The following CEMIP2 variants were observed in gnomAD, a reference collection of about 807,000 sequenced individuals.
CEMIP2 encodes cell migration inducing hyaluronidase 2, also known as cell surface hyaluronidase CEMIP2.
Under a neutral mutation model 146.9 loss-of-function variants are expected in CEMIP2, and 79 were observed. The observed-to-expected ratio is 0.54, with a 90% CI of 0.45 to 0.65. The LOEUF (loss-of-function observed/expected upper bound fraction) is 0.65. Among genes scored for constraint, CEMIP2 ranks in the 30% least tolerant of loss-of-function variants. CEMIP2 has a pLI of 0.00. For missense variants in CEMIP2, 1,596 were observed against 1,696.2 expected, an observed-to-expected ratio of 0.94 and a Z score of 1.04; for synonymous variants, 601 against 606.3, an observed-to-expected ratio of 0.99 and a Z score of 0.13.
intron 22 of CEMIP2, chr9:71,687,002 T>C (rs951212905): frequency 7.9e-5 from 12 of 152,338 alleles, no homozygotes; most frequent in Non-Finnish European, 1.3e-4. Flanking sequence ...TTTTGTCACA[T>C]AGTAAGCCAA....
intron 12 of CEMIP2, among the ~76,000 whole-genome samples, chr9:71,721,263 T>A (rs1823223212): frequency 6.6e-6 from 1 of 152,162 alleles, no homozygotes; most frequent in Non-Finnish European, 1.5e-5. Context: ...AGTAACCTTC[T>A]AGATAGAATT....
intron 6 of CEMIP2, among the ~76,000 whole-genome samples, chr9:71,733,118 G>C (rs913366876): frequency 2.0e-5 from 3 of 151,826 alleles, no homozygotes; most frequent in Non-Finnish European, 4.4e-5. Context: ...TTAATATCAG[G>C]GTGTCAACTT....
chr9:71,687,822 C>T (rs186867487), intron 22 of CEMIP2, among the ~76,000 whole-genome samples: 1 of 152,122 alleles, frequency 6.6e-6, no homozygotes, highest in Non-Finnish European at 1.5e-5. Context: ...GCTGTGGACA[C>T]ATCACTGCAC....
intron 2 of CEMIP2, among the ~76,000 whole-genome samples, chr9:71,748,276 T>C (rs1233884320): frequency 6.6e-6 from 1 of 152,212 alleles, no homozygotes; most frequent in Non-Finnish European, 1.5e-5. Context: ...AGAAAATGTG[T>C]AGTCTGTACA....
At chr9:71,726,581 T>C (rs1033101856) in intron 10 of CEMIP2, among the ~76,000 whole-genome samples, 4 of 152,148 alleles carry the variant, frequency 2.6e-5, no homozygotes, top group South Asian at 2.1e-4. Flanking sequence ...ATAAGAAAGA[T>C]AGAGATAATT....
intron 1 of CEMIP2, among the ~76,000 whole-genome samples, chr9:71,753,631 G>A (rs1460867056): frequency 6.6e-6 from 1 of 152,068 alleles, no homozygotes; most frequent in African/African-American, 2.4e-5. Flanking sequence ...GTTGCACCAT[G>A]TATTAGAATA....
chr9:71,732,362 C>T lies in CEMIP2; in HGVS notation c.1552G>A (p.Gly518Arg), dbSNP rs1247342241. The change falls in exon 7 of 24, where the codon GGA becomes AGA. Residue 518 changes from glycine to arginine, a missense_variant. Gly to Arg is a moderately radical substitution (Grantham distance 125). Transcript: ENST00000377044. ...CQFFDYDTFG[G>R]HIMIMKNFTS... is the part of the protein sequence containing the mutation. ...ATCCTTTTGCCTACCATAATGTGTC[C>T]CCCAAAGGTATCATAATCAAAAAAT... The T allele has an allele frequency of 3.1e-6, 5 of 1,611,000 alleles. No homozygotes were observed. The highest frequency in any genetic ancestry group is 3.4e-6 in the Non-Finnish European group (4 of 1,179,008).
intron 1 of CEMIP2, among the ~76,000 whole-genome samples, chr9:71,764,140 T>G (rs1297698218): frequency 6.6e-6 from 1 of 152,224 alleles, no homozygotes; most frequent in Non-Finnish European, 1.5e-5. Flanking sequence ...CTAAAAAATG[T>G]GCACATCTAC....
chr9:71,709,264 C>T lies in CEMIP2; in HGVS notation c.2980G>A (p.Ala994Thr). 2 of 1,614,204 alleles carry T rather than the reference C, an allele frequency of 1.2e-6. No homozygotes were observed. The highest frequency in any genetic ancestry group is 1.7e-6 in the Non-Finnish European group (2 of 1,180,006). ...TATACATTTGCTAAGCCTACCTGTGCATAGGTCCCACTGCAGATCACTGCA... is the reference window on the plus strand; with the variant it reads ...TATACATTTGCTAAGCCTACCTGTGTATAGGTCCCACTGCAGATCACTGCA... ...WNAVICSGTY[A>T]QVYVQTWSTQ... Residue 994 changes from alanine (A) to threonine (T), a missense_variant, in exon 17 of 24, where the codon GCA (alanine) becomes ACA (threonine). Coordinates refer to ENST00000377044, the MANE Select transcript of CEMIP2 (RefSeq NM_013390.3).
chr9:71,732,557 A>T, intron 6 of CEMIP2, 37 bp from the exon 7 acceptor site: 1 of 1,525,170 alleles, frequency 6.6e-7, no homozygotes, highest in Non-Finnish European at 8.8e-7. Context: ...AGAATATTAG[A>T]ACAAAGAAAA....
chr9:71,692,365 ATCTCTCTCTCTC>A (rs10683725), intron 21 of CEMIP2, among the ~76,000 whole-genome samples: 93 of 90,560 alleles, frequency 1.0e-3, no homozygotes, highest in Middle Eastern at 7.2e-3. Context: ...TCTACCCCCC[ATCTCTCTCTCTC>A]TCTCTCTCTC....
intron 4 of CEMIP2, among the ~76,000 whole-genome samples, chr9:71,740,486 T>G (rs1299690286): frequency 6.6e-6 from 1 of 152,224 alleles, no homozygotes; most frequent in African/African-American, 2.4e-5. Context: ...CAATTTCAAT[T>G]AATCATTGAC....
In CEMIP2 at chr9:71,730,043, C is replaced by G. The variant is rs769166645; in HGVS notation, c.1979+5G>C. 2.5e-6 allele frequency: 4 copies of G among 1,614,068 alleles called. No individual in the cohort carries two copies. Among genetic ancestry groups the G allele is most frequent in the Non-Finnish European group, 3.4e-6 (4 of 1,180,018 alleles). On this transcript the variant is annotated splice_donor_5th_base_variant and intron_variant, in intron 9 of 23. Coordinates refer to ENST00000377044, the MANE Select transcript of CEMIP2 (RefSeq NM_013390.3). ...CATGGGTTTTTCTCTCCGCCAATTACTCACATACAGTCAGTAGCAGGCACA... is the reference window on the plus strand; with the variant it reads ...CATGGGTTTTTCTCTCCGCCAATTAGTCACATACAGTCAGTAGCAGGCACA...
chr9:71,698,615 G>A (rs1205796689), intron 19 of CEMIP2, among the ~76,000 whole-genome samples: 1 of 152,174 alleles, frequency 6.6e-6, no homozygotes, highest in African/African-American at 2.4e-5. Context: ...TTTTGGTTAA[G>A]GCATAAAACT....
intron 1 of CEMIP2, among the ~76,000 whole-genome samples, chr9:71,756,504 T>TCA (rs1480091892): frequency 0.011 from 1,226 of 111,646 alleles, 6 homozygotes; most frequent in Middle Eastern, 0.071. Flanking sequence ...TCTCTCTCTC[T>TCA]CTCACACACA....
chr9:71,730,487 A>G (rs28722667), intron 8 of CEMIP2, among the ~76,000 whole-genome samples: 1 of 152,180 alleles, frequency 6.6e-6, no homozygotes, highest in Non-Finnish European at 1.5e-5. Flanking sequence ...AAAATAAAAT[A>G]CAAGACATAA....
chr9:71,716,678 C>T (rs1823066405), intron 13 of CEMIP2, 126 bp from the exon 14 acceptor site: 4 of 666,772 alleles, frequency 6.0e-6, no homozygotes, highest in Admixed American at 6.9e-5. Context: ...CATGACCACA[C>T]AAAAATTTGA....
chr9:71,709,143 A>G, intron 17 of CEMIP2, 116 bp downstream of exon 17: 1 of 925,836 alleles, frequency 1.1e-6, no homozygotes, highest in Non-Finnish European at 1.7e-6. Context: ...GGACAGGAAG[A>G]TAGATCATAC....
At chr9:71,716,385 C>A in intron 14 of CEMIP2, 132 bp downstream of exon 14, 1 of 669,448 alleles carries the variant, frequency 1.5e-6, no homozygotes, top group Non-Finnish European at 2.5e-6. Flanking sequence ...CCTCTAGTGG[C>A]ATCAGGAAGA....
Sources: gnomAD v4.1 joint callset for allele counts (sites outside exome capture counted in the v4.1 genomes callset) on GRCh38, gnomAD v4.1.1 for gene constraint, MANE v1.5 for transcripts, NCBI Gene and HGNC (gene_info 2026-07-23, HGNC 2026-07-21) for gene names.